The following NRF1 variants were observed in gnomAD, a reference collection of about 807,000 sequenced individuals.
NRF1 encodes the protein alpha palindromic-binding protein.
NRF1 carries 5 observed loss-of-function variants against 58.5 expected under a neutral mutation model. That is an observed-to-expected ratio of 0.09 (90% CI 0.04 to 0.18). The LOEUF is 0.18. Among genes scored for constraint, NRF1 ranks in the 10% least tolerant of loss-of-function variants. The pLI, the probability that NRF1 is intolerant of heterozygous loss-of-function variation, is 1.00. For missense variants in NRF1, 288 were observed against 657.7 expected, an observed-to-expected ratio of 0.44 and a Z score of 6.15; for synonymous variants, 224 against 246.7, an observed-to-expected ratio of 0.91 and a Z score of 0.86.
In NRF1 at chr7:129,741,328, A is replaced by C. The variant is rs1803840949; in HGVS notation, c.1349-13690A>C. ...TCCACGGTGTCCTCAAGGCCAAGTT[A>C]CATGCTTCTTTGTCTCATTCTCCTT... On this transcript the variant is annotated intron_variant, in intron 10 of 10. Coordinates refer to ENST00000393232, the MANE Select transcript of NRF1 (RefSeq NM_005011.5). This position sits in a 1 kb window ranked among gnomAD's most constrained non-coding sequence, Gnocchi z 4.0. Among the ~76,000 whole-genome samples, 2 of 152,218 alleles carry C rather than the reference A, an allele frequency of 1.3e-5. No homozygotes were observed. The highest frequency in any genetic ancestry group is 2.1e-4 in the South Asian group (1 of 4,826).
intron 5 of NRF1, among the ~76,000 whole-genome samples, chr7:129,704,738 T>C (rs1275063938): frequency 1.3e-5 from 2 of 152,190 alleles, no homozygotes; most frequent in Non-Finnish European, 2.9e-5. Context: ...TTTTAATAAT[T>C]TTGTGCATGA....
At chr7:129,676,328 C>T (rs569085292) in intron 3 of NRF1, among the ~76,000 whole-genome samples, 1 of 152,354 alleles carries the variant, frequency 6.6e-6, no homozygotes, top group East Asian at 1.9e-4. Flanking sequence ...GTCAGCCTAT[C>T]TTGGCTTTCA....
chr7:129,644,540 T>C (rs1801363231), intron 1 of NRF1, among the ~76,000 whole-genome samples: 1 of 152,260 alleles, frequency 6.6e-6, no homozygotes, highest in Non-Finnish European at 1.5e-5. Context: ...AAGCCACATA[T>C]GGCCATTTAA....
chr7:129,755,818 G>A lies in NRF1; in HGVS notation c.*637G>A, dbSNP rs548831803. On this transcript the variant is annotated 3_prime_UTR_variant, in exon 11 of 11. Coordinates refer to ENST00000393232, the MANE Select transcript of NRF1 (RefSeq NM_005011.5). This position sits in a 1 kb window ranked among gnomAD's most constrained non-coding sequence, Gnocchi z 5.8. ...GAGGAAAGAGGCTCCAGCATGGGGTGGGTCAGAGATGTGCTTGCAAGGTCC... is the reference window on the plus strand; with the variant it reads ...GAGGAAAGAGGCTCCAGCATGGGGTAGGTCAGAGATGTGCTTGCAAGGTCC... The A allele has an allele frequency of 1.3e-5, 2 of 152,800 alleles. No individual in the cohort carries two copies. The highest frequency in any genetic ancestry group is 3.9e-4 in the East Asian group (2 of 5,178). 9.5% of individuals were successfully genotyped at this position (152,800 alleles called of 1,614,324 possible).
intron 9 of NRF1, among the ~76,000 whole-genome samples, chr7:129,718,981 A>G (rs1286326899): frequency 2.0e-5 from 3 of 152,184 alleles, no homozygotes; most frequent in Admixed American, 2.0e-4. Flanking sequence ...TTCAAGAATT[A>G]TAGTTATTAT....
chr7:129,746,156 T>C (rs1803970660), intron 10 of NRF1, among the ~76,000 whole-genome samples: 1 of 152,224 alleles, frequency 6.6e-6, no homozygotes, highest in Admixed American at 6.5e-5. Flanking sequence ...ATCCCCCAAA[T>C]GTACCCAAAA....
chr7:129,659,590 TTGG>T (rs1485080962), intron 2 of NRF1, among the ~76,000 whole-genome samples: 1 of 152,198 alleles, frequency 6.6e-6, no homozygotes, highest in Non-Finnish European at 1.5e-5. Flanking sequence ...GAATTCTAGC[TTGG>T]TGGTTATTCT....
chr7:129,727,980 G>T (rs1169432579), intron 10 of NRF1, among the ~76,000 whole-genome samples: 2 of 152,066 alleles, frequency 1.3e-5, no homozygotes, highest in Non-Finnish European at 2.9e-5. Flanking sequence ...TAAGCAAAAG[G>T]GATAAAATTC....
chr7:129,636,566 G>T (rs1215769184), intron 1 of NRF1, among the ~76,000 whole-genome samples: 4 of 152,128 alleles, frequency 2.6e-5, no homozygotes, highest in African/African-American at 9.7e-5. Context: ...GGTTTTTTTA[G>T]AACAAAGTTT....
intron 4 of NRF1, among the ~76,000 whole-genome samples, chr7:129,680,062 A>C (rs1053095026): frequency 6.6e-6 from 1 of 152,240 alleles, no homozygotes; most frequent in Admixed American, 6.5e-5. Context: ...TCTGTCTCAA[A>C]AAAATAATAA....
chr7:129,703,071 A>C (rs1802870118), intron 5 of NRF1, among the ~76,000 whole-genome samples: 1 of 152,082 alleles, frequency 6.6e-6, no homozygotes, highest in East Asian at 1.9e-4. Flanking sequence ...AGTTTTAGAG[A>C]ACCTTTTATT....
chr7:129,737,138 G>A (rs1011863726), intron 10 of NRF1, among the ~76,000 whole-genome samples: 2 of 152,184 alleles, frequency 1.3e-5, no homozygotes, highest in Non-Finnish European at 1.5e-5. Context: ...CTATGTAGAC[G>A]CTGCTTTCCT....
intron 4 of NRF1, among the ~76,000 whole-genome samples, chr7:129,680,214 A>C (rs1263686543): frequency 9.2e-5 from 14 of 152,202 alleles, no homozygotes; most frequent in Non-Finnish European, 4.4e-5. Flanking sequence ...ATTAATAATC[A>C]CATTTCGATT....
chr7:129,731,099 C>G (rs185927130), intron 10 of NRF1, among the ~76,000 whole-genome samples: 46 of 152,208 alleles, frequency 3.0e-4, no homozygotes, highest in African/African-American at 1.0e-3. Context: ...TGGTGAAACC[C>G]TGTTTCTACT....
At chr7:129,725,607 G>A (rs769083508) in intron 9 of NRF1, among the ~76,000 whole-genome samples, 7 of 152,138 alleles carry the variant, frequency 4.6e-5, no homozygotes, top group Non-Finnish European at 8.8e-5. Context: ...GATTACAGGC[G>A]TGAGCCACCA....
At chr7:129,661,676 C>G (rs1447009725) in intron 2 of NRF1, among the ~76,000 whole-genome samples, 1 of 151,026 alleles carries the variant, frequency 6.6e-6, no homozygotes, top group East Asian at 1.9e-4. Context: ...ATATCACTAT[C>G]AGCATTTTGG....
chr7:129,645,709 G>A (rs558876870), intron 1 of NRF1, among the ~76,000 whole-genome samples: 1 of 152,186 alleles, frequency 6.6e-6, no homozygotes, highest in Admixed American at 6.5e-5. Context: ...TGATTTTGAG[G>A]TTTGCAGGAA....
At position 129,755,068 on chromosome 7, in the gene NRF1, G is replaced by A. The variant is rs754280971; in HGVS notation, c.1399G>A (p.Ala467Thr). Residue 467 changes from alanine (A) to threonine (T), a missense_variant, in exon 11 of 11, where the codon GCC becomes ACC. Transcript: ENST00000393232. This position sits in a 1 kb window ranked among gnomAD's most constrained non-coding sequence, Gnocchi z 5.8. ...GTACCAGACTGTGGTGACCAGCCTC[G>A]CCCAGGGCAACGGACCAGTGCAGGT... ...SMYQTVVTSL[A>T]QGNGPVQVAM... 2.7e-5 allele frequency: 44 copies of A among 1,613,532 alleles called. No individual in the cohort carries two copies. Among genetic ancestry groups the A allele is most frequent in the Non-Finnish European group, 3.6e-5 (42 of 1,179,894 alleles).
intron 9 of NRF1, among the ~76,000 whole-genome samples, chr7:129,726,192 C>T (rs1803449878): frequency 6.6e-6 from 1 of 152,176 alleles, no homozygotes; most frequent in Non-Finnish European, 1.5e-5. Flanking sequence ...TACTGGAATT[C>T]GATAGTCCCT....
Sources: allele counts gnomAD v4.1 joint callset (sites outside exome capture counted in the v4.1 genomes callset), GRCh38; gene constraint gnomAD v4.1.1; non-coding constraint Gnocchi (gnomAD v3.1); transcripts MANE v1.5; gene names NCBI Gene and HGNC (gene_info 2026-07-23, HGNC 2026-07-21).